Variants in INPP4A observed in about 807,000 individuals in gnomAD.
The protein encoded by INPP4A is inositol polyphosphate-4-phosphatase type I A.
A neutral mutation model predicts 119.8 loss-of-function variants in INPP4A; 33 were observed. The observed-to-expected ratio is 0.28, with a 90% CI of 0.21 to 0.37. The LOEUF (loss-of-function observed/expected upper bound fraction) is 0.37. Ranked by LOEUF, INPP4A falls within the 10% of genes least tolerant of loss-of-function variation. INPP4A has a pLI of 1.00. For missense variants in INPP4A, 956 were observed against 1,289.9 expected (o/e 0.74, Z 3.97); for synonymous variants, 496 against 500.7 (o/e 0.99, Z 0.12).
chr2:98,510,572 G>T (rs576199669), intron 1 of INPP4A, among the ~76,000 whole-genome samples: 1 of 152,156 alleles, frequency 6.6e-6, no homozygotes, highest in African/African-American at 2.4e-5. Context: ...ATGACAAAAG[G>T]TGAAGGGCAA....
intron 1 of INPP4A, among the ~76,000 whole-genome samples, chr2:98,515,528 A>G (rs1181570695): frequency 6.6e-6 from 1 of 152,090 alleles, no homozygotes; most frequent in African/African-American, 2.4e-5. Flanking sequence ...TGATAACGAT[A>G]GTTCATATTT....
chr2:98,529,029 A>T (rs1328483215), intron 4 of INPP4A, among the ~76,000 whole-genome samples: 1 of 151,204 alleles, frequency 6.6e-6, no homozygotes, highest in East Asian at 1.9e-4. Flanking sequence ...CTGTGAGCCG[A>T]GATCGCACCA....
chr2:98,483,432 G>A (rs186986167), intron 1 of INPP4A, among the ~76,000 whole-genome samples: 7 of 152,258 alleles, frequency 4.6e-5, no homozygotes, highest in East Asian at 1.9e-4. Context: ...TGCCCCAGGC[G>A]GGGCAGAGAT....
At position 98,569,081 on chromosome 2, in the gene INPP4A, G is replaced by A. The variant is rs1402718347; in HGVS notation, c.2518+413G>A. 1 of 170,780 alleles carries A rather than the reference G, an allele frequency of 5.9e-6. No homozygotes were observed. Among genetic ancestry groups the A allele is most frequent in the Non-Finnish European group, 1.3e-5 (1 of 79,030 alleles). The allele number at this position is 170,780 out of a possible 1,614,324, so 10.6% of individuals were successfully genotyped here. ...CGGGGCCAACATTGCTGGGTGTTTGGGAGCAAGGTGGCCCCATCTCGGCAT... is the reference window on the plus strand; with the variant it reads ...CGGGGCCAACATTGCTGGGTGTTTGAGAGCAAGGTGGCCCCATCTCGGCAT... On this transcript the variant is annotated intron_variant, in intron 22 of 24. Coordinates refer to ENST00000409851, the MANE Select transcript of INPP4A (RefSeq NM_001134225.2). The surrounding 1 kb of genome is among the most constrained non-coding windows in gnomAD (Gnocchi z 5.1).
rs1485106687 is a variant in INPP4A at position 98,569,320 on chromosome 2, T to A, written c.2518+652T>A. 6.6e-6 allele frequency: 1 copy of A among 152,294 alleles called. No homozygotes were observed. Among genetic ancestry groups the A allele is most frequent in the African/African-American group, 2.4e-5 (1 of 41,432 alleles). The allele number at this position is 152,294 out of a possible 1,614,324, so 9.4% of individuals were successfully genotyped here. ...AGAGGATCCGATGGCGAATGAGGGG[T>A]GGACCCTACCTTGGAGGGAAAGCTG... On this transcript the variant is annotated intron_variant, in intron 22 of 24. Coordinates refer to ENST00000409851, the MANE Select transcript of INPP4A (RefSeq NM_001134225.2). This position sits in a 1 kb window ranked among gnomAD's most constrained non-coding sequence, Gnocchi z 5.1.
intron 16 of INPP4A, among the ~76,000 whole-genome samples, chr2:98,558,495 C>T (rs1003396158): frequency 1.3e-5 from 2 of 152,130 alleles, no homozygotes. Flanking sequence ...TTCTCTTTCC[C>T]CTTTGCCAGT....
intron 1 of INPP4A, among the ~76,000 whole-genome samples, chr2:98,503,027 T>C (rs1402110692): frequency 1.3e-5 from 2 of 152,228 alleles, no homozygotes; most frequent in Non-Finnish European, 2.9e-5. Flanking sequence ...GGAGACCTCC[T>C]GGGACAAACG....
chr2:98,444,731 G>GGGC (rs1693850337), upstream of INPP4A: 1 of 152,324 alleles, frequency 6.6e-6, no homozygotes, highest in African/African-American at 2.4e-5. Flanking sequence ...CTCGGTCACC[G>GGGC]GCCCTACTGT....
At chr2:98,524,346 C>A (rs1288127373) in intron 4 of INPP4A, among the ~76,000 whole-genome samples, 2 of 152,098 alleles carry the variant, frequency 1.3e-5, no homozygotes, top group African/African-American at 4.8e-5. Context: ...TGGAAATATG[C>A]CAAATGAATG....
intron 11 of INPP4A, among the ~76,000 whole-genome samples, chr2:98,545,369 C>T (rs1470352893): frequency 6.6e-6 from 1 of 152,154 alleles, no homozygotes; most frequent in Non-Finnish European, 1.5e-5. Flanking sequence ...AAAATAGCGT[C>T]CAGGCTCCTT....
chr2:98,563,863 G>T (rs1328435487), intron 18 of INPP4A, among the ~76,000 whole-genome samples: 3 of 151,904 alleles, frequency 2.0e-5, no homozygotes, highest in South Asian at 2.1e-4. Flanking sequence ...ACTGGCACCT[G>T]CAGAGTCTGC....
At chr2:98,536,617 A>T (rs1423851395) in intron 7 of INPP4A, among the ~76,000 whole-genome samples, 2 of 152,202 alleles carry the variant, frequency 1.3e-5, no homozygotes, top group African/African-American at 4.8e-5. Context: ...GAATGAGTGA[A>T]TGAAAGGGAA....
At chr2:98,526,747 A>G (rs529022557) in intron 4 of INPP4A, among the ~76,000 whole-genome samples, 2 of 152,372 alleles carry the variant, frequency 1.3e-5, no homozygotes, top group South Asian at 4.1e-4. Context: ...TCTGCAGGCT[A>G]TACAAGCATG....
intron 19 of INPP4A, among the ~76,000 whole-genome samples, 175 bp downstream of exon 19, chr2:98,564,938 G>A (rs1454927068): frequency 1.3e-5 from 2 of 152,250 alleles, no homozygotes; most frequent in Non-Finnish European, 2.9e-5. Flanking sequence ...GCCTTGGTTT[G>A]TTGTTGTTGC....
At chr2:98,487,201 A>G (rs550462977) in intron 1 of INPP4A, among the ~76,000 whole-genome samples, 2 of 152,358 alleles carry the variant, frequency 1.3e-5, no homozygotes, top group East Asian at 1.9e-4. Flanking sequence ...ATTATTCACC[A>G]AATTCCATGT....
chr2:98,501,543 C>CA (rs199626810), intron 1 of INPP4A, among the ~76,000 whole-genome samples: 2,716 of 152,314 alleles, frequency 0.018, 93 homozygotes, highest in African/African-American at 0.062. Context: ...CCCAGCCCCC[C>CA]ATTCTCTGAA....
chr2:98,576,637 G>T (rs529206114), intron 23 of INPP4A, among the ~76,000 whole-genome samples: 1 of 152,242 alleles, frequency 6.6e-6, no homozygotes, highest in African/African-American at 2.4e-5. Flanking sequence ...GGGATCAGCA[G>T]TGAAGGGCTG....
At chr2:98,493,316 T>A (rs575406166) in intron 1 of INPP4A, among the ~76,000 whole-genome samples, 7 of 152,250 alleles carry the variant, frequency 4.6e-5, no homozygotes, top group South Asian at 2.1e-4. Flanking sequence ...TACCCCGACT[T>A]CCTGGTGACT....
chr2:98,589,069 C>T lies in INPP4A; in HGVS notation c.*1461C>T, dbSNP rs1044117427. On this transcript the variant is annotated 3_prime_UTR_variant, in exon 25 of 25. Transcript: ENST00000409851. ...TGGAACTGGATGACCTTCCAGACCC[C>T]CTCCTACTCAGAAGTCAGCATGCAA... 5.5e-6 allele frequency: 1 copy of T among 181,154 alleles called. No individual in the cohort carries two copies. Among genetic ancestry groups the T allele is most frequent in the East Asian group, 9.1e-5 (1 of 11,008 alleles). The allele number at this position is 181,154 out of a possible 1,614,324, so 11.2% of individuals were successfully genotyped here.
Sources: gnomAD v4.1 joint callset for allele counts (sites outside exome capture counted in the v4.1 genomes callset) on GRCh38, gnomAD v4.1.1 for gene constraint, Gnocchi (gnomAD v3.1) non-coding constraint, MANE v1.5 for transcripts, NCBI Gene and HGNC (gene_info 2026-07-23, HGNC 2026-07-21) for gene names.